Variants in MOK observed in about 807,000 individuals in gnomAD.
The protein encoded by MOK is MAPK/MAK/MRK overlapping kinase.
Under a neutral mutation model 54.2 loss-of-function variants are expected in MOK, and 59 were observed. That is an observed-to-expected ratio of 1.09 (90% CI 0.88 to 1.35). The LOEUF (loss-of-function observed/expected upper bound fraction) is 1.35. Among genes scored for constraint, MOK ranks in the 40% most tolerant of loss-of-function variants. The pLI, the probability that MOK is intolerant of heterozygous loss-of-function variation, is 0.00. For missense variants in MOK, 517 were observed against 526.2 expected, an observed-to-expected ratio of 0.98 and a Z score of 0.17; for synonymous variants, 210 against 202.7, an observed-to-expected ratio of 1.04 and a Z score of -0.31.
intron 4 of MOK, among the ~76,000 whole-genome samples, chr14:102,258,926 C>T (rs915133869): frequency 2.0e-5 from 3 of 152,014 alleles, no homozygotes; most frequent in African/African-American, 4.8e-5. Flanking sequence ...ATTAGCCGGA[C>T]GTGGTGGTGG....
chr14:102,241,324 C>A (rs772977352), intron 7 of MOK, among the ~76,000 whole-genome samples: 8 of 152,208 alleles, frequency 5.3e-5, no homozygotes, highest in Non-Finnish European at 1.0e-4. Flanking sequence ...GCCTCCACTC[C>A]CCCACCCTAT....
intron 3 of MOK, among the ~76,000 whole-genome samples, chr14:102,264,929 A>G (rs904414398): frequency 6.6e-6 from 1 of 152,214 alleles, no homozygotes; most frequent in Non-Finnish European, 1.5e-5. Flanking sequence ...AAAACCCTGT[A>G]GCCTGACTCC....
In MOK at chr14:102,286,912, AAATAATAATAAT is replaced by A. The variant is rs56108099; in HGVS notation, c.8-3332_8-3321del. On this transcript the variant is annotated intron_variant, in intron 1 of 11. Transcript: ENST00000361847. ...GCAACAAAGTGAGACTCCGTCTCAAAAATAATAATAATAATAATAATAATAATAATAATAATG... is the reference window on the plus strand; with the variant it reads ...GCAACAAAGTGAGACTCCGTCTCAAAAATAATAATAATAATAATAATAATG... Among the ~76,000 whole-genome samples the A allele has an allele frequency of 1.9e-4, 28 of 145,510 alleles. No individual in the cohort carries two copies. The East Asian group carries it at 3.0e-3, about 15-fold the overall frequency.
At chr14:102,239,842 T>G (rs1056205276) in intron 7 of MOK, among the ~76,000 whole-genome samples, 1 of 152,066 alleles carries the variant, frequency 6.6e-6, no homozygotes, top group African/African-American at 2.4e-5. Context: ...CACTCCAGCC[T>G]GGCGACAGGG....
At chr14:102,293,437 G>A (rs941580813) in intron 1 of MOK, among the ~76,000 whole-genome samples, 11 of 152,106 alleles carry the variant, frequency 7.2e-5, no homozygotes, top group African/African-American at 2.7e-4. Flanking sequence ...GGTGGCTCAC[G>A]CCTGTAATCC....
the MOK span, chr14:102,214,878 T>A: frequency 1.0e-6 from 1 of 984,886 alleles, no homozygotes; most frequent in Non-Finnish European, 1.2e-6. Flanking sequence ...TGCTTTGTTT[T>A]TTTTTTTAGC....
At chr14:102,287,366 G>A (rs2070242155) in intron 1 of MOK, among the ~76,000 whole-genome samples, 1 of 152,176 alleles carries the variant, frequency 6.6e-6, no homozygotes, top group African/African-American at 2.4e-5. Flanking sequence ...CACTTTGGGA[G>A]GCCGAGACGG....
At chr14:102,233,551 C>G in intron 8 of MOK, 137 bp downstream of exon 8, 1 of 666,858 alleles carries the variant, frequency 1.5e-6, no homozygotes, top group South Asian at 1.9e-5. Flanking sequence ...CACTGGCCCT[C>G]AAGTGAACTT....
rs1056972327 is a variant in MOK, at chr14:102,231,411, G to C, written c.981+296C>G. 27 of 285,276 alleles carry C rather than the reference G, an allele frequency of 9.5e-5. 1 individual carries two copies. Among genetic ancestry groups the C allele is most frequent in the Non-Finnish European group, 2.6e-5 (4 of 152,044 alleles). The allele number at this position is 285,276 out of a possible 1,614,324, so 17.7% of individuals were successfully genotyped here. On this transcript the variant is annotated intron_variant, in intron 10 of 11. Transcript: ENST00000361847. This position sits in a 1 kb window ranked among gnomAD's most constrained non-coding sequence, Gnocchi z 4.4. ...GCATAGAACCTGGCACCTGCATATG[G>C]TCATCAGGACAGACACAAAAGTTCA...
At chr14:102,229,431 C>T (rs1300668041) in intron 11 of MOK, 26 bp downstream of exon 11, 19 of 1,614,064 alleles carry the variant, frequency 1.2e-5, no homozygotes, top group Non-Finnish European at 1.6e-5. Context: ...AGAGCAGCGC[C>T]GTCAGAGAAG....
At chr14:102,257,637 T>C (rs1254045776) in intron 4 of MOK, among the ~76,000 whole-genome samples, 1 of 152,218 alleles carries the variant, frequency 6.6e-6, no homozygotes, top group Non-Finnish European at 1.5e-5. Flanking sequence ...GAGCTGATGA[T>C]GGTTCAGGGA....
At chr14:102,276,163 G>T (rs1196462820) in intron 2 of MOK, among the ~76,000 whole-genome samples, 1 of 152,098 alleles carries the variant, frequency 6.6e-6, no homozygotes, top group African/African-American at 2.4e-5. Flanking sequence ...GGAGCAACTG[G>T]AACTTTCATT....
intron 7 of MOK, among the ~76,000 whole-genome samples, chr14:102,248,970 G>C (rs1255562193): frequency 1.3e-5 from 2 of 151,776 alleles, no homozygotes; most frequent in Non-Finnish European, 2.9e-5. Flanking sequence ...CATGGCCATG[G>C]GTCTCTCCAT....
chr14:102,224,717 T>G, downstream of MOK: 1 of 456,068 alleles, frequency 2.2e-6, no homozygotes, highest in Non-Finnish European at 4.4e-6. Context: ...AGTTACAGCT[T>G]GAGTTCTCAG....
rs140707758 is a variant in MOK, at chr14:102,282,843, A to G, written c.122+635T>C. On this transcript the variant is annotated intron_variant, in intron 2 of 11. Transcript: ENST00000361847. ...AAGGCGGGCGGATCACTTGAGGCCAAGGAGTTCAAGACCAGCCTGGCCAAC... is the reference window on the plus strand; with the variant it reads ...AAGGCGGGCGGATCACTTGAGGCCAGGGAGTTCAAGACCAGCCTGGCCAAC... 5.5e-4 allele frequency among the ~76,000 whole-genome samples: 83 copies of G among 152,262 alleles called. 1 individual carries two copies. Among genetic ancestry groups the G allele is most frequent in the African/African-American group, 2.0e-3 (82 of 41,544 alleles).
chr14:102,217,665 G>A, the MOK span, among the ~76,000 whole-genome samples: 1 of 152,242 alleles, frequency 6.6e-6, no homozygotes, highest in Non-Finnish European at 1.5e-5. Context: ...TGTAGAGACT[G>A]GCTTCGGGTG....
At chr14:102,257,965 G>C (rs2153121109) in intron 4 of MOK, among the ~76,000 whole-genome samples, 1 of 144,536 alleles carries the variant, frequency 6.9e-6, no homozygotes, top group Non-Finnish European at 1.5e-5. Context: ...AACAGAGTGA[G>C]ACTCTGTCTC....
intron 2 of MOK, among the ~76,000 whole-genome samples, chr14:102,273,162 T>G (rs2068533522): frequency 6.7e-6 from 1 of 149,974 alleles, no homozygotes; most frequent in Admixed American, 6.7e-5. Flanking sequence ...AGAGCAAAAC[T>G]CCGTCTCAAA....
downstream of MOK, chr14:102,226,371 G>A (rs748525178): frequency 4.8e-4 from 341 of 703,120 alleles, 3 homozygotes; most frequent in Middle Eastern, 4.6e-4. This position sits in a 1 kb window ranked among gnomAD's most constrained non-coding sequence, Gnocchi z 4.8. Flanking sequence ...ATGGGGAGGA[G>A]GACGGCTGAG....
Sources: allele counts gnomAD v4.1 joint callset (sites outside exome capture counted in the v4.1 genomes callset), GRCh38; gene constraint gnomAD v4.1.1; non-coding constraint Gnocchi (gnomAD v3.1); transcripts MANE v1.5; gene names NCBI Gene and HGNC (gene_info 2026-07-23, HGNC 2026-07-21).